The following NRG1 variants were observed in gnomAD, a reference collection of about 807,000 sequenced individuals.
NRG1 encodes pro-neuregulin-1, membrane-bound isoform.
Under a neutral mutation model 63.8 loss-of-function variants are expected in NRG1, and 18 were observed. The observed-to-expected ratio is 0.28, with a 90% CI of 0.19 to 0.42. NRG1 has a LOEUF of 0.42. Ranked by LOEUF, NRG1 falls within the 10% of genes least tolerant of loss-of-function variation. NRG1 has a pLI of 1.00. For synonymous variants in NRG1, 302 were observed against 301.3 expected (o/e 1.00, Z -0.02); for missense variants, 762 against 814.7 (o/e 0.94, Z 0.79).
chr8:32,069,848 C>G (rs1454199446), intron 1 of NRG1, among the ~76,000 whole-genome samples: 2 of 152,134 alleles, frequency 1.3e-5, no homozygotes, highest in Non-Finnish European at 2.9e-5. Flanking sequence ...TTTTGAGAAC[C>G]TGAGTCCTAG....
At chr8:32,076,379 A>T (rs531999388) in intron 1 of NRG1, among the ~76,000 whole-genome samples, 1 of 152,226 alleles carries the variant, frequency 6.6e-6, no homozygotes, top group East Asian at 1.9e-4. Flanking sequence ...AGTGTTTAAT[A>T]CTCCAAAATG....
chr8:32,576,980 C>G (rs1839766344), intron 1 of NRG1, among the ~76,000 whole-genome samples: 1 of 152,108 alleles, frequency 6.6e-6, no homozygotes, highest in African/African-American at 2.4e-5. Flanking sequence ...CCTTCCCTCC[C>G]TGCTCTAGTA....
chr8:31,881,895 A>G (rs545314222), intron 1 of NRG1, among the ~76,000 whole-genome samples: 8 of 152,306 alleles, frequency 5.3e-5, no homozygotes, highest in African/African-American at 1.9e-4. Flanking sequence ...TAAGGAAAGA[A>G]GCCATCCTCA....
intron 1 of NRG1, among the ~76,000 whole-genome samples, chr8:32,373,900 C>A (rs2347502): frequency 0.54 from 82,586 of 152,044 alleles, 23,083 homozygotes; most frequent in East Asian, 0.82. Context: ...AGTCAATTAC[C>A]TGACTTCAAA....
chr8:31,651,859 T>C (rs1400776983), intron 1 of NRG1, among the ~76,000 whole-genome samples: 1 of 152,148 alleles, frequency 6.6e-6, no homozygotes, highest in Admixed American at 6.5e-5. Context: ...ATGCTGCTTA[T>C]AAATTATGTT....
chr8:31,917,540 G>A (rs997293672), intron 1 of NRG1, among the ~76,000 whole-genome samples: 3 of 151,624 alleles, frequency 2.0e-5, no homozygotes, highest in South Asian at 2.1e-4. Context: ...ATTTCTGAGG[G>A]CTCTGTTCTG....
chr8:32,036,642 T>C (rs1819115110), intron 1 of NRG1, among the ~76,000 whole-genome samples: 1 of 152,216 alleles, frequency 6.6e-6, no homozygotes, highest in African/African-American at 2.4e-5. Context: ...TCATTCTTTT[T>C]TCTCTAATCT....
At chr8:32,229,792 A>G (rs1254903246) in intron 1 of NRG1, among the ~76,000 whole-genome samples, 4 of 152,008 alleles carry the variant, frequency 2.6e-5, no homozygotes, top group Admixed American at 2.0e-4. Flanking sequence ...TATAATTTCT[A>G]CTCCAGTCGG....
At chr8:32,099,089 G>C (rs1830239286) in intron 1 of NRG1, among the ~76,000 whole-genome samples, 1 of 152,212 alleles carries the variant, frequency 6.6e-6, no homozygotes, top group South Asian at 2.1e-4. Context: ...TTGCAAGGGT[G>C]CAATGGGCAA....
At chr8:32,382,400 C>A (rs1023765629) in intron 1 of NRG1, among the ~76,000 whole-genome samples, 1 of 151,972 alleles carries the variant, frequency 6.6e-6, no homozygotes, top group Non-Finnish European at 1.5e-5. Flanking sequence ...GAAGATAATG[C>A]CTTTTGTAGC....
At chr8:31,934,106 CAT>C (rs144424102) in intron 1 of NRG1, among the ~76,000 whole-genome samples, 1,927 of 152,180 alleles carry the variant, frequency 0.013, 30 homozygotes, top group South Asian at 0.084. Flanking sequence ...TGGGTACCTT[CAT>C]GTGTGTGCAT....
chr8:32,496,626 G>A (rs1477813299), intron 1 of NRG1, among the ~76,000 whole-genome samples: 2 of 152,022 alleles, frequency 1.3e-5, no homozygotes, highest in Non-Finnish European at 2.9e-5. Context: ...GGATAGGTGT[G>A]TTTGGGAGGG....
chr8:32,404,267 C>T (rs569593697), intron 1 of NRG1, among the ~76,000 whole-genome samples: 7 of 152,136 alleles, frequency 4.6e-5, no homozygotes, highest in East Asian at 1.9e-4. Context: ...TGCAAAGGGG[C>T]GGGGGTAATG....
chr8:31,851,778 TC>T (rs1462931246), intron 1 of NRG1, among the ~76,000 whole-genome samples: 1 of 114,388 alleles, frequency 8.7e-6, no homozygotes, highest in African/African-American at 3.4e-5. Flanking sequence ...CCCACAACAG[TC>T]CCCAGAGTGT....
At chr8:32,452,382 G>A (rs10098640) in intron 1 of NRG1, among the ~76,000 whole-genome samples, 47,077 of 151,614 alleles carry the variant, frequency 0.31, 7,538 homozygotes, top group South Asian at 0.35. Flanking sequence ...TGGGCCTTAC[G>A]TTGTATTTTA....
intron 1 of NRG1, among the ~76,000 whole-genome samples, chr8:32,191,276 G>T (rs1316021920): frequency 6.6e-6 from 1 of 151,938 alleles, no homozygotes; most frequent in Non-Finnish European, 1.5e-5. Flanking sequence ...GCAGGGACAG[G>T]GTTTCACCAT....
chr8:32,180,475 T>C (rs987337527), intron 1 of NRG1, among the ~76,000 whole-genome samples: 1 of 152,154 alleles, frequency 6.6e-6, no homozygotes, highest in African/African-American at 2.4e-5. Context: ...ATAATTGTGA[T>C]ATAGTAATAA....
intron 1 of NRG1, among the ~76,000 whole-genome samples, chr8:31,887,918 A>G (rs1830844832): frequency 6.6e-6 from 1 of 151,892 alleles, no homozygotes; most frequent in South Asian, 2.1e-4. Flanking sequence ...TTGTTTTAAT[A>G]AAATTATTTG....
chr8:32,724,580 T>C (rs1306537957), intron 5 of NRG1, among the ~76,000 whole-genome samples: 1 of 152,142 alleles, frequency 6.6e-6, no homozygotes, highest in Non-Finnish European at 1.5e-5. Flanking sequence ...GTCAGGGCCC[T>C]GTGTTCAAAT....
Sources: allele counts gnomAD v4.1 joint callset (sites outside exome capture counted in the v4.1 genomes callset), GRCh38; gene constraint gnomAD v4.1.1; transcripts MANE v1.5; gene names NCBI Gene and HGNC (gene_info 2026-07-23, HGNC 2026-07-21).